The following KAT6B variants were observed in gnomAD, a reference collection of about 807,000 sequenced individuals.
KAT6B encodes the protein histone acetyltransferase KAT6B.
KAT6B carries 10 observed loss-of-function variants against 187.5 expected under a neutral mutation model. That is an observed-to-expected ratio of 0.05 (90% CI 0.03 to 0.09). KAT6B has a LOEUF of 0.09. KAT6B is among the 10% of genes least tolerant of loss of function. The pLI is 1.00. For missense variants in KAT6B, 1,952 were observed against 2,558.9 expected, an observed-to-expected ratio of 0.76 and a Z score of 5.12; for synonymous variants, 861 against 926.8, an observed-to-expected ratio of 0.93 and a Z score of 1.29.
chr10:74,899,160 CAA>C (rs935304160), intron 3 of KAT6B, among the ~76,000 whole-genome samples: 4 of 127,284 alleles, frequency 3.1e-5, no homozygotes, highest in African/African-American at 2.9e-5. Flanking sequence ...TACTCCATCT[CAA>C]AAAAAAAAAA....
intron 13 of KAT6B, among the ~76,000 whole-genome samples, chr10:75,002,234 G>A (rs1176539464): frequency 6.6e-6 from 1 of 152,098 alleles, no homozygotes; most frequent in African/African-American, 2.4e-5. Flanking sequence ...TCTGGGGGAG[G>A]CTGCAGAGTA....
chr10:74,831,425 T>C (rs1336861900), intron 1 of KAT6B, among the ~76,000 whole-genome samples: 2 of 152,240 alleles, frequency 1.3e-5, no homozygotes, highest in African/African-American at 4.8e-5. Flanking sequence ...TATGCAGTAC[T>C]ATCTTTTTAA....
At chr10:74,965,615 C>G (rs758214947) in intron 4 of KAT6B, among the ~76,000 whole-genome samples, 4 of 152,166 alleles carry the variant, frequency 2.6e-5, no homozygotes, top group Non-Finnish European at 4.4e-5. Flanking sequence ...AAAAACAACA[C>G]ATTTTTAATC....
chr10:74,982,329 A>AATG, intron 11 of KAT6B: 1 of 239,418 alleles, frequency 4.2e-6, no homozygotes. Context: ...ATATCTCCTC[A>AATG]ATACACAACC....
chr10:74,849,299 CTT>C (rs11382578), intron 3 of KAT6B, among the ~76,000 whole-genome samples: 1 of 145,456 alleles, frequency 6.9e-6, no homozygotes, highest in Non-Finnish European at 1.5e-5. Flanking sequence ...TAACTAATGA[CTT>C]TTTTTTTTTT....
intron 4 of KAT6B, among the ~76,000 whole-genome samples, chr10:74,961,247 A>G (rs1328017798): frequency 6.6e-6 from 1 of 152,126 alleles, no homozygotes; most frequent in African/African-American, 2.4e-5. Flanking sequence ...TCCCTGTTTT[A>G]TGCTGGTGAG....
At chr10:74,949,254 C>T (rs1256377400) in intron 3 of KAT6B, among the ~76,000 whole-genome samples, 1 of 152,144 alleles carries the variant, frequency 6.6e-6, no homozygotes, top group African/African-American at 2.4e-5. Flanking sequence ...GGTCCCTCTT[C>T]AGAAGATAAA....
chr10:74,955,081 T>TA (rs1201705375), intron 3 of KAT6B, among the ~76,000 whole-genome samples: 1 of 152,220 alleles, frequency 6.6e-6, no homozygotes, highest in African/African-American at 2.4e-5. Flanking sequence ...GTCCCTTATG[T>TA]AAAATGGTGC....
intron 3 of KAT6B, among the ~76,000 whole-genome samples, chr10:74,880,588 A>G (rs188699290): frequency 3.3e-5 from 5 of 152,110 alleles, no homozygotes; most frequent in Admixed American, 2.0e-4. Context: ...TATACCTAGC[A>G]GTGGAATTGC....
intron 3 of KAT6B, among the ~76,000 whole-genome samples, chr10:74,887,272 C>G (rs1845349022): frequency 6.6e-6 from 1 of 152,092 alleles, no homozygotes. Flanking sequence ...ACTCCTGGCC[C>G]AGGGACTGAG....
At chr10:75,006,990 C>T (rs1161727903) in intron 13 of KAT6B, among the ~76,000 whole-genome samples, 1 of 151,588 alleles carries the variant, frequency 6.6e-6, no homozygotes, top group Admixed American at 6.6e-5. Context: ...ATCCCTTGAA[C>T]CCGGGAGGCG....
At chr10:74,934,617 G>A (rs1849111098) in intron 3 of KAT6B, among the ~76,000 whole-genome samples, 1 of 152,092 alleles carries the variant, frequency 6.6e-6, no homozygotes, top group African/African-American at 2.4e-5. Flanking sequence ...TGCTGCGTGG[G>A]TCTCCAGTCT....
At chr10:74,969,884 A>G in intron 5 of KAT6B, 109 bp downstream of exon 5, 2 of 980,348 alleles carry the variant, frequency 2.0e-6, no homozygotes, top group African/African-American at 1.6e-5. Flanking sequence ...CTTTAAATAC[A>G]CATGATGTCA....
In KAT6B at chr10:74,903,309, A is replaced by G. The variant is rs751404680; in HGVS notation, c.622-56661A>G. ...CCTATGCATGTTTGAGATATCACCC[A>G]TGATTCTACTACCTTGCTTGGCAGA... On this transcript the variant is annotated intron_variant, in intron 3 of 17. Coordinates refer to ENST00000287239, the MANE Select transcript of KAT6B (RefSeq NM_012330.4). Among the ~76,000 whole-genome samples, 8 of 152,298 alleles carry G rather than the reference A, an allele frequency of 5.3e-5. No homozygotes were observed. In the South Asian group the frequency reaches 1.7e-3, roughly 32 times the overall value.
chr10:74,937,860 T>C (rs1849372404), intron 3 of KAT6B, among the ~76,000 whole-genome samples: 1 of 152,244 alleles, frequency 6.6e-6, no homozygotes, highest in Non-Finnish European at 1.5e-5. Flanking sequence ...CTGCAATTGC[T>C]GTCACCAGCA....
At chr10:75,006,911 A>G (rs1844241827) in intron 13 of KAT6B, among the ~76,000 whole-genome samples, 1 of 151,934 alleles carries the variant, frequency 6.6e-6, no homozygotes, top group Non-Finnish European at 1.5e-5. Flanking sequence ...CTACTAAAAT[A>G]CAAAAAATTA....
chr10:74,907,426 A>G (rs1401006944), intron 3 of KAT6B, among the ~76,000 whole-genome samples: 1 of 152,196 alleles, frequency 6.6e-6, no homozygotes, highest in Non-Finnish European at 1.5e-5. Flanking sequence ...CAAAACCTCC[A>G]TTCATTCTGG....
chr10:74,950,600 A>G (rs1406146661), intron 3 of KAT6B, among the ~76,000 whole-genome samples: 2 of 152,208 alleles, frequency 1.3e-5, no homozygotes, highest in Non-Finnish European at 2.9e-5. Context: ...ATCTGTTCCG[A>G]CAGACATCAG....
chr10:74,953,551 A>G (rs1447226000), intron 3 of KAT6B, among the ~76,000 whole-genome samples: 1 of 152,182 alleles, frequency 6.6e-6, no homozygotes, highest in Admixed American at 6.5e-5. Flanking sequence ...GAACATATGA[A>G]TGAAAAATGC....
Sources: allele counts gnomAD v4.1 joint callset (sites outside exome capture counted in the v4.1 genomes callset), GRCh38; gene constraint gnomAD v4.1.1; transcripts MANE v1.5; gene names NCBI Gene and HGNC (gene_info 2026-07-23, HGNC 2026-07-21).